AGBL4: variants seen among roughly 807,000 people sequenced by gnomAD.
AGBL4 encodes AGBL carboxypeptidase 4.
In AGBL4, 58 loss-of-function variants were observed where a neutral mutation model predicts 66.4. The ratio of observed to expected loss-of-function variants is 0.87; its 90% CI spans 0.71 to 1.09. The LOEUF (loss-of-function observed/expected upper bound fraction) is 1.09, where lower values mean the gene tolerates loss of function less well. Ranked by LOEUF, AGBL4 falls within the 50% of genes least tolerant of loss-of-function variation. The probability of loss-of-function intolerance (pLI) is 0.00; values close to 1 mark genes in which losing one functional copy is unlikely to be tolerated. For missense variants in AGBL4, 579 were observed against 631.0 expected (o/e 0.92, Z 0.88); for synonymous variants, 234 against 222.9 (o/e 1.05, Z -0.44).
chr1:49,971,926 T>TTTTTTTTTG (rs1658148097), intron 1 of AGBL4, among the ~76,000 whole-genome samples: 1 of 114,556 alleles, frequency 8.7e-6, no homozygotes, highest in African/African-American at 3.2e-5. Context: ...TTTTTTTTTT[T>TTTTTTTTTG]TTTTTTGCAG....
chr1:48,593,339 A>G (rs1225782290), intron 9 of AGBL4, among the ~76,000 whole-genome samples: 1 of 152,260 alleles, frequency 6.6e-6, no homozygotes, highest in South Asian at 2.1e-4. Flanking sequence ...GCCATATATA[A>G]ACTAACTAGT....
intron 3 of AGBL4, among the ~76,000 whole-genome samples, chr1:49,284,599 T>A (rs1046497706): frequency 7.2e-5 from 11 of 152,072 alleles, no homozygotes; most frequent in African/African-American, 2.7e-4. Context: ...AGACTCAAGA[T>A]CCATCAGTGT....
rs138400600 is a variant in AGBL4, at chr1:49,118,221, C to A, written c.378-72421G>T. Among the ~76,000 whole-genome samples the A allele has an allele frequency of 2.2e-3, 336 of 152,210 alleles. 2 individuals are homozygous for A. Among genetic ancestry groups the A allele is most frequent in the African/African-American group, 7.8e-3 (323 of 41,538 alleles). ...CATACCCTTTATTTCTCTCTCTTGC[C>A]TGATTGCCCTGGAGAGAACTTCCAA... On this transcript the variant is annotated intron_variant, in intron 4 of 13. Transcript: ENST00000371839.
chr1:49,613,808 T>C, intron 3 of AGBL4, among the ~76,000 whole-genome samples: 1 of 152,176 alleles, frequency 6.6e-6, no homozygotes, highest in East Asian at 1.9e-4. Context: ...TGTAATGTGC[T>C]TGAATCATCC....
intron 3 of AGBL4, among the ~76,000 whole-genome samples, chr1:49,366,616 C>A (rs1644246484): frequency 6.6e-6 from 1 of 152,198 alleles, no homozygotes; most frequent in Non-Finnish European, 1.5e-5. Flanking sequence ...CTGTACCCTC[C>A]AATATTCACT....
At chr1:49,078,985 ATC>A (rs71701701) in intron 4 of AGBL4, among the ~76,000 whole-genome samples, 15,485 of 152,118 alleles carry the variant, frequency 0.1, 1,285 homozygotes, top group African/African-American at 0.22. Context: ...TGTTTCACAG[ATC>A]TCTTTCTTAC....
At chr1:49,476,437 A>T (rs922330697) in intron 3 of AGBL4, among the ~76,000 whole-genome samples, 5 of 151,988 alleles carry the variant, frequency 3.3e-5, no homozygotes, top group Non-Finnish European at 7.4e-5. Context: ...TCAAATGTCA[A>T]ATTTAGGTCC....
At chr1:48,915,651 T>A (rs182985823) in intron 5 of AGBL4, among the ~76,000 whole-genome samples, 1 of 152,236 alleles carries the variant, frequency 6.6e-6, no homozygotes, top group East Asian at 1.9e-4. Context: ...GTTAGAAACG[T>A]AAGTTCTTAG....
intron 1 of AGBL4, among the ~76,000 whole-genome samples, chr1:49,879,613 T>G (rs1647151100): frequency 6.8e-6 from 1 of 147,544 alleles, no homozygotes; most frequent in Non-Finnish European, 1.5e-5. Flanking sequence ...TCATTGCAAC[T>G]TTGGTGAATC....
At chr1:49,613,959 A>T (rs1645203106) in intron 3 of AGBL4, among the ~76,000 whole-genome samples, 1 of 152,216 alleles carries the variant, frequency 6.6e-6, no homozygotes, top group African/African-American at 2.4e-5. Context: ...AGCATGTGAG[A>T]AATGGAAAAT....
intron 3 of AGBL4, among the ~76,000 whole-genome samples, chr1:49,613,581 T>C (rs763075534): frequency 6.6e-6 from 1 of 152,148 alleles, no homozygotes; most frequent in Admixed American, 6.6e-5. Context: ...ACAAACCCTA[T>C]TGTGAGCTGC....
intron 1 of AGBL4, among the ~76,000 whole-genome samples, chr1:49,989,876 C>T (rs1299751458): frequency 2.0e-5 from 3 of 152,106 alleles, no homozygotes; most frequent in African/African-American, 7.2e-5. Context: ...GTATAAAATG[C>T]AAGAGAGTAC....
At chr1:49,774,225 G>A (rs548043093) in intron 2 of AGBL4, among the ~76,000 whole-genome samples, 21 of 152,302 alleles carry the variant, frequency 1.4e-4, no homozygotes, top group South Asian at 1.0e-3. Context: ...AACTGCTGGC[G>A]TCTGCAACAG....
intron 3 of AGBL4, among the ~76,000 whole-genome samples, chr1:49,548,926 A>AT (rs976351363): frequency 5.3e-5 from 8 of 151,780 alleles, no homozygotes; most frequent in Admixed American, 4.6e-4. Flanking sequence ...TTTGTTAGTA[A>AT]TTTTTTACCA....
intron 7 of AGBL4, among the ~76,000 whole-genome samples, chr1:48,658,693 C>G (rs889184140): frequency 2.8e-4 from 43 of 151,786 alleles, no homozygotes; most frequent in African/African-American, 5.8e-4. Context: ...TTTGGGATAG[C>G]GAGAAGAGGA....
intron 6 of AGBL4, among the ~76,000 whole-genome samples, chr1:48,693,245 G>A (rs1309635187): frequency 6.7e-6 from 1 of 149,966 alleles, no homozygotes; most frequent in Non-Finnish European, 1.5e-5. Context: ...GTGAGCATTG[G>A]CTGGGAAAGG....
At chr1:49,507,733 ACT>A (rs1401574309) in intron 3 of AGBL4, among the ~76,000 whole-genome samples, 4 of 151,910 alleles carry the variant, frequency 2.6e-5, no homozygotes, top group African/African-American at 9.6e-5. Flanking sequence ...GAATTTAATA[ACT>A]CTCACAGCTA....
intron 4 of AGBL4, among the ~76,000 whole-genome samples, chr1:49,182,105 G>T (rs1477356784): frequency 1.3e-5 from 2 of 152,164 alleles, no homozygotes; most frequent in Non-Finnish European, 2.9e-5. Context: ...GGGCATATTA[G>T]ACCAGTTTCT....
intron 4 of AGBL4, among the ~76,000 whole-genome samples, chr1:49,112,578 C>A (rs559256899): frequency 2.6e-5 from 4 of 152,324 alleles, no homozygotes; most frequent in African/African-American, 9.6e-5. Context: ...TGGACTCAAT[C>A]CTCTCAAACC....
Sources: allele counts gnomAD v4.1 joint callset (sites outside exome capture counted in the v4.1 genomes callset), GRCh38; gene constraint gnomAD v4.1.1; transcripts MANE v1.5; gene names NCBI Gene and HGNC (gene_info 2026-07-23, HGNC 2026-07-21).